The following ADGRV1 variants were observed in gnomAD, a reference collection of about 807,000 sequenced individuals.
ADGRV1 encodes adhesion G protein-coupled receptor V1, also known as G-protein coupled receptor 98.
Under a neutral mutation model 596.2 loss-of-function variants are expected in ADGRV1, and 359 were observed. The observed-to-expected ratio is 0.60, with a 90% CI of 0.55 to 0.66. The LOEUF (loss-of-function observed/expected upper bound fraction) is 0.66. Among genes scored for constraint, ADGRV1 ranks in the 30% least tolerant of loss-of-function variants. The pLI is 0.00. For synonymous variants in ADGRV1, 2,681 were observed against 2,679.2 expected (o/e 1.00, Z -0.02); for missense variants, 7,274 against 7,575.6 (o/e 0.96, Z 1.48).
At chr5:90,972,483 A>C (rs1488146356) in intron 84 of ADGRV1, among the ~76,000 whole-genome samples, 1 of 152,222 alleles carries the variant, frequency 6.6e-6, no homozygotes, top group Non-Finnish European at 1.5e-5. Flanking sequence ...GTAAAAGAAC[A>C]GAAATTATAA....
chr5:90,997,618 A>G (rs1320091666), intron 85 of ADGRV1, among the ~76,000 whole-genome samples: 1 of 152,192 alleles, frequency 6.6e-6, no homozygotes, highest in Non-Finnish European at 1.5e-5. Flanking sequence ...AAGACCTAAA[A>G]TTACATTTTC....
Position 90,745,572 on chromosome 5 carries a change from T to C in ADGRV1, c.10770-19T>C, listed in dbSNP as rs1264451137. On this transcript the variant is annotated intron_variant, in intron 51 of 89. Coordinates refer to ENST00000405460, the MANE Select transcript of ADGRV1 (RefSeq NM_032119.4). ...AATTTGTTGTAGTTGACTTATTTTG[T>C]ATATGCTTCTTATGGTAGTTCAGGT... 1 of 1,553,706 alleles carries C rather than the reference T, an allele frequency of 6.4e-7. No individual in the cohort carries two copies. Among genetic ancestry groups the C allele is most frequent in the Non-Finnish European group, 8.8e-7 (1 of 1,134,028 alleles).
chr5:90,901,943 G>A (rs758883931), intron 83 of ADGRV1, among the ~76,000 whole-genome samples: 2 of 152,016 alleles, frequency 1.3e-5, no homozygotes, highest in Non-Finnish European at 2.9e-5. Flanking sequence ...TGGCCTCTTG[G>A]GATAGTGGAA....
rs1460099940 is a variant in ADGRV1 at position 90,976,314 on chromosome 5, GTGTGTGTGTATA to G, written c.17974-9028_17974-9017del. ...TGTGTGTATATGTGTGTGTGTGTGT[GTGTGTGTGTATA>G]TATATATATATATATATATATATGT... On this transcript the variant is annotated intron_variant, in intron 84 of 89. Transcript: ENST00000405460. 9.9e-4 allele frequency among the ~76,000 whole-genome samples: 122 copies of G among 123,376 alleles called. 1 individual carries two copies. The highest frequency in any genetic ancestry group is 4.0e-3 in the African/African-American group (119 of 29,658). 80.9% of individuals were successfully genotyped at this position (123,376 alleles called of 152,430 possible).
chr5:90,791,549 A>AT, intron 70 of ADGRV1: 1 of 546,880 alleles, frequency 1.8e-6, no homozygotes, highest in South Asian at 2.6e-5. Flanking sequence ...GAGATAATAG[A>AT]TTTTTGTGTA....
intron 86 of ADGRV1, among the ~76,000 whole-genome samples, chr5:91,094,562 A>G (rs943986336): frequency 2.0e-5 from 3 of 152,190 alleles, no homozygotes; most frequent in African/African-American, 4.8e-5. Flanking sequence ...TAGGTTCACT[A>G]AAAGAGATGA....
At chr5:90,885,461 G>A (rs990159645) in intron 83 of ADGRV1, among the ~76,000 whole-genome samples, 3 of 152,088 alleles carry the variant, frequency 2.0e-5, no homozygotes, top group Non-Finnish European at 4.4e-5. Context: ...TCCAACTTTA[G>A]CTTAACTCCT....
chr5:90,640,427 A>AT (rs535056378), intron 11 of ADGRV1, among the ~76,000 whole-genome samples: 10 of 151,682 alleles, frequency 6.6e-5, no homozygotes, highest in South Asian at 4.2e-4. Flanking sequence ...AAAGGTTTTT[A>AT]TTTTTTTTTA....
At position 90,779,092 on chromosome 5, in the gene ADGRV1, G is replaced by T; in HGVS notation, c.13077G>T (p.Gln4359His). 6.3e-7 allele frequency: 1 copy of T among 1,595,512 alleles called. No homozygotes were observed. The highest frequency in any genetic ancestry group is 1.1e-5 in the South Asian group (1 of 90,500). Residue 4359 changes from glutamine (Q) to histidine (H), a missense_variant, in exon 64 of 90, where the codon CAG becomes CAT. Gln to His is a conservative substitution (Grantham distance 24). Around this residue, in one of 5 missense-constraint regions of ADGRV1, gnomAD observed 3,643 missense variants for 3,809.2 expected, o/e 0.96. Transcript: ENST00000405460. ...FSLTITKVEL[Q>H]GRGYDFTIQE... ...TAACAATTACAAAGGTGGAACTCCA[G>T]GGAAGGTAAAGGAGAAAGGCAATTA...
chr5:90,765,038 C>T (rs1756948420), intron 59 of ADGRV1, among the ~76,000 whole-genome samples: 1 of 152,096 alleles, frequency 6.6e-6, no homozygotes. Flanking sequence ...CCATGGGGCT[C>T]CAAGCTCCTT....
intron 87 of ADGRV1, among the ~76,000 whole-genome samples, chr5:91,104,000 A>G (rs970108486): frequency 1.3e-5 from 2 of 152,332 alleles, no homozygotes; most frequent in African/African-American, 2.4e-5. Context: ...CCGGCTTTCC[A>G]TGCTTGGGAT....
chr5:90,823,276 C>T (rs2150300306), intron 75 of ADGRV1, 149 bp from the exon 76 acceptor site: 1 of 762,810 alleles, frequency 1.3e-6, no homozygotes, highest in Non-Finnish European at 2.1e-6. Flanking sequence ...TTTTCTGCAT[C>T]ATCAGTGGTA....
chr5:90,618,934 A>C (rs1209540213), intron 3 of ADGRV1, among the ~76,000 whole-genome samples, 152 bp from the exon 4 acceptor site: 1 of 152,038 alleles, frequency 6.6e-6, no homozygotes, highest in African/African-American at 2.4e-5. Flanking sequence ...TATTGATGTA[A>C]TTAGAATGTT....
At chr5:90,792,347 A>G (rs1456574497) in intron 70 of ADGRV1, 2 of 152,340 alleles carry the variant, frequency 1.3e-5, no homozygotes, top group African/African-American at 2.4e-5. Flanking sequence ...AAAATAGGCT[A>G]TCATTTCCGG....
intron 86 of ADGRV1, 96 bp from the exon 87 acceptor site, chr5:91,102,123 C>T (rs1023641554): frequency 9.2e-7 from 1 of 1,083,980 alleles, no homozygotes; most frequent in African/African-American, 1.6e-5. Flanking sequence ...TCAAAATGGG[C>T]ACTAGAATAC....
At chr5:90,978,374 T>C (rs1238159740) in intron 84 of ADGRV1, among the ~76,000 whole-genome samples, 1 of 152,158 alleles carries the variant, frequency 6.6e-6, no homozygotes, top group African/African-American at 2.4e-5. Flanking sequence ...GTTTTTCACT[T>C]TTCACCAGTT....
intron 21 of ADGRV1, among the ~76,000 whole-genome samples, chr5:90,662,607 C>CT (rs538566636): frequency 6.7e-6 from 1 of 149,150 alleles, no homozygotes; most frequent in Admixed American, 6.6e-5. Flanking sequence ...TTCTTTTTTT[C>CT]TTTTTTTTCT....
intron 83 of ADGRV1, among the ~76,000 whole-genome samples, chr5:90,907,426 G>A (rs536209543): frequency 1.3e-4 from 20 of 152,132 alleles, no homozygotes; most frequent in African/African-American, 4.1e-4. Context: ...TCAGTGCCTC[G>A]AAAACAAAGT....
At chr5:90,601,796 A>C (rs1761442613) in intron 1 of ADGRV1, among the ~76,000 whole-genome samples, 1 of 152,182 alleles carries the variant, frequency 6.6e-6, no homozygotes, top group African/African-American at 2.4e-5. Context: ...AATTCTGGGT[A>C]ACAGTTTATA....
Sources: allele counts gnomAD v4.1 joint callset (sites outside exome capture counted in the v4.1 genomes callset), GRCh38; gene constraint gnomAD v4.1.1; regional missense constraint gnomAD v4.1.1; transcripts MANE v1.5; gene names NCBI Gene and HGNC (gene_info 2026-07-23, HGNC 2026-07-21).